KMT2C: variants seen among roughly 807,000 people sequenced by gnomAD.
KMT2C encodes the protein histone-lysine N-methyltransferase 2C.
In KMT2C, 88 loss-of-function variants were observed where a neutral mutation model predicts 507.9. The ratio of observed to expected loss-of-function variants is 0.17; its 90% CI spans 0.15 to 0.21. The LOEUF (loss-of-function observed/expected upper bound fraction) is 0.21. Among genes scored for constraint, KMT2C ranks in the 10% least tolerant of loss-of-function variants. KMT2C has a pLI of 1.00. For synonymous variants in KMT2C, 2,049 were observed against 2,080.8 expected, an observed-to-expected ratio of 0.98 and a Z score of 0.42; for missense variants, 4,954 against 5,957.8, an observed-to-expected ratio of 0.83 and a Z score of 5.55.
chr7:152,165,491 A>T (rs905456388), intron 42 of KMT2C, among the ~76,000 whole-genome samples: 1 of 152,238 alleles, frequency 6.6e-6, no homozygotes, highest in African/African-American at 2.4e-5. Context: ...ACATGAACCC[A>T]GAGAGTAGAT....
chr7:152,305,343 C>T (rs565238886), intron 6 of KMT2C, among the ~76,000 whole-genome samples: 4 of 152,274 alleles, frequency 2.6e-5, no homozygotes, highest in East Asian at 3.9e-4. Flanking sequence ...TGTAAAGTCA[C>T]GCTTGAATAA....
chr7:152,333,697 GA>G (rs1449862245), intron 2 of KMT2C, among the ~76,000 whole-genome samples: 9 of 152,066 alleles, frequency 5.9e-5, no homozygotes, highest in African/African-American at 1.9e-4. Flanking sequence ...AAAGTATTTT[GA>G]AAAACAATTT....
chr7:152,253,985 C>A (rs2095605590), intron 9 of KMT2C, among the ~76,000 whole-genome samples: 2 of 152,120 alleles, frequency 1.3e-5, no homozygotes, highest in South Asian at 2.1e-4. Flanking sequence ...TCTAAAATAT[C>A]AATAAAAGGG....
At chr7:152,249,673 CAAAAAAAAAAAAAAAAA>C (rs1183345172) in intron 13 of KMT2C, among the ~76,000 whole-genome samples, 186 bp downstream of exon 13, 3 of 34,496 alleles carry the variant, frequency 8.7e-5, no homozygotes, top group East Asian at 2.3e-3. Context: ...CTCCCCCCTC[CAAAAAAAAAAAAAAAAA>C]AAAAAAAAAC....
intron 23 of KMT2C, among the ~76,000 whole-genome samples, chr7:152,216,379 G>C (rs1262082720): frequency 6.6e-6 from 1 of 152,106 alleles, no homozygotes; most frequent in Admixed American, 6.5e-5. Context: ...AAAATAAATA[G>C]AAACAAAAAG....
intron 31 of KMT2C, among the ~76,000 whole-genome samples, chr7:152,188,969 T>C (rs1433584358): frequency 1.3e-5 from 2 of 152,208 alleles, no homozygotes; most frequent in Non-Finnish European, 2.9e-5. Context: ...AATATATCTA[T>C]CACTAAAAAT....
At chr7:152,270,300 A>G (rs1461674464) in intron 7 of KMT2C, among the ~76,000 whole-genome samples, 2 of 152,258 alleles carry the variant, frequency 1.3e-5, no homozygotes, top group African/African-American at 4.8e-5. Flanking sequence ...CAAGAAATAC[A>G]AAGATAACCA....
intron 23 of KMT2C, among the ~76,000 whole-genome samples, chr7:152,213,656 A>T (rs1281010866): frequency 6.6e-6 from 1 of 152,106 alleles, no homozygotes; most frequent in African/African-American, 2.4e-5. Flanking sequence ...CCTCCTTGAC[A>T]ATGATTTTTT....
intron 1 of KMT2C, among the ~76,000 whole-genome samples, chr7:152,394,710 G>T (rs1028869923): frequency 6.6e-6 from 1 of 152,018 alleles, no homozygotes; most frequent in Admixed American, 6.6e-5. Flanking sequence ...ATATAAGCCC[G>T]TGAAGGAAGG....
At chr7:152,258,012 G>C (rs1031012501) in intron 9 of KMT2C, among the ~76,000 whole-genome samples, 3 of 152,154 alleles carry the variant, frequency 2.0e-5, no homozygotes, top group African/African-American at 4.8e-5. Flanking sequence ...GTATACACAC[G>C]CATGTATTTC....
intron 51 of KMT2C, among the ~76,000 whole-genome samples, chr7:152,150,401 G>A (rs183842268): frequency 6.6e-6 from 1 of 152,132 alleles, no homozygotes; most frequent in East Asian, 1.9e-4. Context: ...GGCGGATCAC[G>A]AGGTCAGGAG....
intron 1 of KMT2C, among the ~76,000 whole-genome samples, chr7:152,422,238 G>GT (rs1373659228): frequency 1.4e-4 from 20 of 147,128 alleles, no homozygotes; most frequent in African/African-American, 5.0e-4. Context: ...CCTGAGGTCA[G>GT]TATTTCGAGA....
At chr7:152,262,269 A>G (rs530822886) in intron 9 of KMT2C, among the ~76,000 whole-genome samples, 5 of 152,294 alleles carry the variant, frequency 3.3e-5, no homozygotes, top group Admixed American at 3.3e-4. Flanking sequence ...ACTCCCGCAC[A>G]CGGGCCATCA....
intron 4 of KMT2C, 91 bp from the exon 5 acceptor site, chr7:152,312,037 A>AT: frequency 1.0e-6 from 1 of 973,292 alleles, no homozygotes; most frequent in Non-Finnish European, 1.5e-6. Context: ...TGCCAAATCA[A>AT]TTTTAATTTA....
chr7:152,241,735 A>T (rs2095390168), intron 14 of KMT2C, among the ~76,000 whole-genome samples: 1 of 152,230 alleles, frequency 6.6e-6, no homozygotes, highest in Non-Finnish European at 1.5e-5. Flanking sequence ...GCTAACATAC[A>T]TCTTAAATTC....
In KMT2C at chr7:152,252,663, T is replaced by C. The variant is rs934365973; in HGVS notation, c.1352A>G (p.His451Arg). Residue 451 changes from histidine (H) to arginine (R), a missense_variant, in exon 10 of 59, where the codon CAC (histidine) becomes CGC (arginine). This residue lies in a region of KMT2C where 376 missense variants were observed against 352.4 expected (regional missense o/e 1.07). Coordinates refer to ENST00000262189, the MANE Select transcript of KMT2C (RefSeq NM_170606.3). The stretch of plus-strand genomic sequence containing the variant: ...ACAATTGTCACATATCAGGCAATTG[T>C]GGTGCCACTGAGAACTAGACCGTGT... ...CGTRSSSQWHHNCLICDNCYQ... is the reference protein window; with the variant it reads ...CGTRSSSQWHRNCLICDNCYQ... 8 of 1,613,582 alleles carry C rather than the reference T, an allele frequency of 5.0e-6. No individual in the cohort carries two copies. The highest frequency in any genetic ancestry group is 5.9e-6 in the Non-Finnish European group (7 of 1,179,622).
At chr7:152,295,143 T>C (rs980113617) in intron 6 of KMT2C, among the ~76,000 whole-genome samples, 2 of 152,244 alleles carry the variant, frequency 1.3e-5, no homozygotes, top group African/African-American at 4.8e-5. Flanking sequence ...ATTTCATCTT[T>C]ATGTTTTACA....
intron 18 of KMT2C, among the ~76,000 whole-genome samples, chr7:152,226,311 A>C (rs1138663): frequency 0.14 from 20,713 of 147,306 alleles, 3,652 homozygotes; most frequent in African/African-American, 0.42. Context: ...CAGCTCACTA[A>C]AACCTCCGCC....
At chr7:152,140,025 G>C (rs1462045502) in intron 55 of KMT2C, among the ~76,000 whole-genome samples, 1 of 151,848 alleles carries the variant, frequency 6.6e-6, no homozygotes, top group Non-Finnish European at 1.5e-5. Context: ...TAAATTCTTA[G>C]AGTCTATGTA....
Sources: allele counts gnomAD v4.1 joint callset (sites outside exome capture counted in the v4.1 genomes callset), GRCh38; gene constraint gnomAD v4.1.1; regional missense constraint gnomAD v4.1.1; transcripts MANE v1.5; gene names NCBI Gene and HGNC (gene_info 2026-07-23, HGNC 2026-07-21).